SAMD13: variants seen among roughly 807,000 people sequenced by gnomAD.
SAMD13 encodes the protein sterile alpha motif domain-containing protein 13.
Under a neutral mutation model 12.4 loss-of-function variants are expected in SAMD13, and 9 were observed. The ratio of observed to expected loss-of-function variants is 0.72; its 90% confidence interval spans 0.44 to 1.26. The LOEUF (loss-of-function observed/expected upper bound fraction) is 1.26. Among genes scored for constraint, SAMD13 ranks in the 50% most tolerant of loss-of-function variants. The pLI is 0.00. For synonymous variants in SAMD13, 46 were observed against 45.4 expected, an observed-to-expected ratio of 1.01 and a Z score of -0.05; for missense variants, 84 against 119.6, an observed-to-expected ratio of 0.70 and a Z score of 1.39.
chr1:84,327,234 A>T (rs902752678), intron 3 of SAMD13, among the ~76,000 whole-genome samples: 1 of 152,246 alleles, frequency 6.6e-6, no homozygotes, highest in African/African-American at 2.4e-5. Context: ...ATATTCATAC[A>T]GTGGAATACT....
intron 3 of SAMD13, among the ~76,000 whole-genome samples, chr1:84,339,204 T>A (rs1558461606): frequency 6.6e-6 from 1 of 152,248 alleles, no homozygotes; most frequent in African/African-American, 2.4e-5. Context: ...CATTTGGAGA[T>A]AAGAAGACAC....
At chr1:84,316,890 A>G (rs956076092) in intron 2 of SAMD13, among the ~76,000 whole-genome samples, 2 of 152,070 alleles carry the variant, frequency 1.3e-5, no homozygotes, top group Non-Finnish European at 2.9e-5. Context: ...AATTACTTTC[A>G]TCAATGTTTC....
intron 2 of SAMD13, among the ~76,000 whole-genome samples, chr1:84,324,791 CT>C (rs1053455392): frequency 1.3e-5 from 2 of 152,198 alleles, no homozygotes; most frequent in African/African-American, 4.8e-5. Context: ...ACCAGTCTTT[CT>C]TTATTCTACT....
At chr1:84,328,370 G>A (rs551746519) in intron 3 of SAMD13, among the ~76,000 whole-genome samples, 3 of 152,142 alleles carry the variant, frequency 2.0e-5, no homozygotes, top group African/African-American at 4.8e-5. Flanking sequence ...CTGCCAACTC[G>A]GAAGCCTGAG....
chr1:84,333,502 T>A (rs965236262), intron 3 of SAMD13, among the ~76,000 whole-genome samples: 5 of 152,182 alleles, frequency 3.3e-5, no homozygotes, highest in African/African-American at 1.2e-4. Context: ...CTGATTTGGC[T>A]GTCAGCTTAG....
rs773002722 is a variant in SAMD13, at chr1:84,349,746, CAA to C, written c.283_284del (p.Lys95AlafsTer26). 19 of 1,613,384 alleles carry C rather than the reference CAA, an allele frequency of 1.2e-5. No homozygotes were observed. The African/African-American group carries it at 2.4e-4, about 20-fold the overall frequency. On this transcript the variant is annotated frameshift_variant, in exon 4 of 4. Transcript: ENST00000394834. LOFTEE classifies it high-confidence loss of function. ...GAATATCATGTAAAACCTCTGCAGA[CAA>C]AGCATTTAAAGAACAACTCTTCATA... is the stretch of plus-strand genomic sequence containing the variant.
At chr1:84,330,286 T>C (rs971656303) in intron 3 of SAMD13, among the ~76,000 whole-genome samples, 1 of 152,190 alleles carries the variant, frequency 6.6e-6, no homozygotes, top group Non-Finnish European at 1.5e-5. Context: ...TTAAAACTGG[T>C]CCTCAAGAAG....
upstream of SAMD13, among the ~76,000 whole-genome samples, chr1:84,300,454 T>C (rs746465560): frequency 2.0e-5 from 3 of 152,236 alleles, no homozygotes; most frequent in Non-Finnish European, 2.9e-5. Flanking sequence ...AATCTCCTAA[T>C]GTCCTAAAAG....
At chr1:84,334,086 G>A (rs1679247582) in intron 3 of SAMD13, among the ~76,000 whole-genome samples, 1 of 152,094 alleles carries the variant, frequency 6.6e-6, no homozygotes, top group East Asian at 1.9e-4. Flanking sequence ...TTAAGGAGGA[G>A]TCCCTCCTCC....
chr1:84,348,743 G>T (rs988228730), intron 3 of SAMD13, among the ~76,000 whole-genome samples: 1 of 152,166 alleles, frequency 6.6e-6, no homozygotes, highest in African/African-American at 2.4e-5. Flanking sequence ...TACCTGGAGT[G>T]CAGTGTACCT....
intron 2 of SAMD13, among the ~76,000 whole-genome samples, chr1:84,321,545 C>A (rs1678944827): frequency 6.6e-6 from 1 of 152,124 alleles, no homozygotes; most frequent in Non-Finnish European, 1.5e-5. Flanking sequence ...ACAATGGAAC[C>A]ACCACCTGTC....
chr1:84,335,298 G>A (rs1679269535), intron 3 of SAMD13, among the ~76,000 whole-genome samples: 1 of 152,040 alleles, frequency 6.6e-6, no homozygotes, highest in South Asian at 2.1e-4. Flanking sequence ...ATTGTGTAAT[G>A]CACTTGTCTT....
Position 84,303,265 on chromosome 1 carries a change from A to AATGG in SAMD13, c.32_35dup (p.Ser13TrpfsTer16). 5 of 1,612,982 alleles carry AATGG rather than the reference A, an allele frequency of 3.1e-6. No homozygotes were observed. The highest frequency in any genetic ancestry group is 4.2e-6 in the Non-Finnish European group (5 of 1,179,110). ...ATCTGTTGACATGGAAAACAAGGAA[A>AATGG]ATGGCTCTGTCGGTGTAAAAAAGTA... On this transcript the variant is annotated frameshift_variant, in exon 2 of 4. Transcript: ENST00000394834. LOFTEE classifies it high-confidence loss of function.
intron 3 of SAMD13, among the ~76,000 whole-genome samples, chr1:84,332,011 G>A (rs904991124): frequency 3.3e-5 from 5 of 152,030 alleles, no homozygotes; most frequent in Admixed American, 2.6e-4. Flanking sequence ...GCATTAGTTC[G>A]CATAGGATAA....
chr1:84,349,035 G>A (rs976978864), intron 3 of SAMD13, among the ~76,000 whole-genome samples: 8 of 152,060 alleles, frequency 5.3e-5, no homozygotes, highest in Non-Finnish European at 8.8e-5. Flanking sequence ...AGTCCCCATC[G>A]GACCATCTAA....
intron 3 of SAMD13, among the ~76,000 whole-genome samples, chr1:84,341,534 T>C (rs1031294712): frequency 7.9e-5 from 12 of 152,096 alleles, no homozygotes; most frequent in Non-Finnish European, 1.8e-4. Context: ...AGAAGCTGGA[T>C]TGCTGGACTC....
chr1:84,306,403 T>C (rs1440781431), intron 2 of SAMD13, among the ~76,000 whole-genome samples: 1 of 152,182 alleles, frequency 6.6e-6, no homozygotes, highest in Non-Finnish European at 1.5e-5. Flanking sequence ...TAGACAATTA[T>C]GTCTTGTGAA....
At position 84,350,768 on chromosome 1, in the gene SAMD13, T is replaced by G. The variant is rs1361909712; in HGVS notation, c.*994T>G. ...TCAACGCCTTGTTGAATTGGTGCTT[T>G]GTGGTTGCAATAAAGCATTGCTTCA... On this transcript the variant is annotated 3_prime_UTR_variant, in exon 4 of 4. Transcript: ENST00000394834. 6.6e-6 allele frequency: 1 copy of G among 152,604 alleles called. No individual in the cohort carries two copies. The highest frequency in any genetic ancestry group is 1.5e-5 in the Non-Finnish European group (1 of 68,024). 9.5% of individuals were successfully genotyped at this position (152,604 alleles called of 1,614,324 possible).
intron 2 of SAMD13, among the ~76,000 whole-genome samples, chr1:84,323,923 A>G (rs1194896670): frequency 3.3e-5 from 5 of 152,156 alleles, no homozygotes; most frequent in Non-Finnish European, 7.4e-5. Context: ...TATAGCCCAC[A>G]TTAAATCTCC....
Sources: gnomAD v4.1 joint callset for allele counts (sites outside exome capture counted in the v4.1 genomes callset) on GRCh38, gnomAD v4.1.1 for gene constraint, MANE v1.5 for transcripts, NCBI Gene and HGNC (gene_info 2026-07-23, HGNC 2026-07-21) for gene names.